Variants in MRPS9 observed in about 807,000 individuals in gnomAD.
MRPS9 encodes mitochondrial ribosomal protein S9.
A neutral mutation model predicts 59.9 loss-of-function variants in MRPS9; 45 were observed. The ratio of observed to expected loss-of-function variants is 0.75; its 90% confidence interval spans 0.59 to 0.96. The LOEUF is 0.96. Among genes scored for constraint, MRPS9 ranks in the 40% least tolerant of loss-of-function variants. The probability of loss-of-function intolerance (pLI) is 0.00; values close to 1 mark genes in which losing one functional copy is unlikely to be tolerated. For synonymous variants in MRPS9, 171 were observed against 166.8 expected, an observed-to-expected ratio of 1.03 and a Z score of -0.19; for missense variants, 473 against 481.1, an observed-to-expected ratio of 0.98 and a Z score of 0.16.
intron 2 of MRPS9, among the ~76,000 whole-genome samples, chr2:105,051,574 G>A (rs1573419409): frequency 6.6e-6 from 1 of 152,110 alleles, no homozygotes; most frequent in South Asian, 2.1e-4. Context: ...TTCCTGCAAG[G>A]AGCCACCTAA....
At chr2:105,091,268 T>G in intron 7 of MRPS9, 2 of 470,990 alleles carry the variant, frequency 4.2e-6, no homozygotes, top group Non-Finnish European at 8.8e-6. Context: ...GTCAGTGACT[T>G]CTTGACCTAG....
chr2:105,070,700 A>G (rs1252212622), intron 2 of MRPS9, among the ~76,000 whole-genome samples: 1 of 152,160 alleles, frequency 6.6e-6, no homozygotes, highest in East Asian at 1.9e-4. Flanking sequence ...TGTCATGAGC[A>G]CTGGTTATTA....
At chr2:105,067,739 A>AGT (rs113470512) in intron 2 of MRPS9, among the ~76,000 whole-genome samples, 1,634 of 148,490 alleles carry the variant, frequency 0.011, 24 homozygotes, top group African/African-American at 0.039. Context: ...CCTTCTCCTG[A>AGT]GTGTGTGTGT....
intron 5 of MRPS9, among the ~76,000 whole-genome samples, 196 bp downstream of exon 5, chr2:105,080,258 A>G (rs750636596): frequency 7.2e-5 from 11 of 152,210 alleles, no homozygotes; most frequent in Non-Finnish European, 1.3e-4. Context: ...TATAGAGTTT[A>G]TATCAGAATG....
intron 5 of MRPS9, among the ~76,000 whole-genome samples, chr2:105,087,063 C>G (rs1309122448): frequency 6.6e-6 from 1 of 152,118 alleles, no homozygotes; most frequent in Non-Finnish European, 1.5e-5. Context: ...TAAAGGTACC[C>G]TAACCACAGT....
chr2:105,091,175 T>C (rs549585269), intron 7 of MRPS9: 8 of 404,302 alleles, frequency 2.0e-5, no homozygotes, highest in Non-Finnish European at 4.1e-5. Flanking sequence ...AAGTTATATA[T>C]GATACTTTGT....
At chr2:105,042,400 G>A (rs2104436737) in intron 1 of MRPS9, among the ~76,000 whole-genome samples, 1 of 152,360 alleles carries the variant, frequency 6.6e-6, no homozygotes, top group East Asian at 1.9e-4. Context: ...AGCACATCTG[G>A]CTTCCCTCAG....
chr2:105,070,444 A>G (rs533661500), intron 2 of MRPS9, among the ~76,000 whole-genome samples: 1 of 152,294 alleles, frequency 6.6e-6, no homozygotes, highest in East Asian at 1.9e-4. Context: ...CTATGCGGGT[A>G]GGCAGAGAAG....
chr2:105,093,947 T>A (rs1297924608), intron 9 of MRPS9, among the ~76,000 whole-genome samples: 1 of 152,142 alleles, frequency 6.6e-6, no homozygotes, highest in Non-Finnish European at 1.5e-5. Context: ...ATGTAAAAAA[T>A]TTTGATTTAG....
chr2:105,078,314 AAG>A (rs1491286998), intron 4 of MRPS9, among the ~76,000 whole-genome samples: 1 of 71,816 alleles, frequency 1.4e-5, no homozygotes, highest in African/African-American at 6.8e-5. Context: ...CGGTGAAGTC[AAG>A]TGTGTGTGTG....
At chr2:105,073,805 T>G (rs990284703) in intron 4 of MRPS9, among the ~76,000 whole-genome samples, 3 of 152,182 alleles carry the variant, frequency 2.0e-5, no homozygotes, top group Non-Finnish European at 4.4e-5. Flanking sequence ...CTCCATTGAG[T>G]AGATTTGATG....
At position 105,041,922 on chromosome 2, in the gene MRPS9, A is replaced by G. The variant is rs189910903; in HGVS notation, c.135+3695A>G. 4.6e-5 allele frequency among the ~76,000 whole-genome samples: 7 copies of G among 152,292 alleles called. No homozygotes were observed. The East Asian group carries it at 1.2e-3, about 25-fold the overall frequency. On this transcript the variant is annotated intron_variant, in intron 1 of 10. Transcript: ENST00000258455. ...TTACAGTCTTTATTTGGCAATTTAT[A>G]TGTTTCTTATATAATAAGAGCTTGA...
intron 2 of MRPS9, 53 bp from the exon 3 acceptor site, chr2:105,071,260 T>C (rs1443961499): frequency 8.2e-6 from 12 of 1,468,012 alleles, no homozygotes; most frequent in Non-Finnish European, 1.0e-5. Flanking sequence ...TAACTATTAG[T>C]TCTAACCTTG....
intron 1 of MRPS9, chr2:105,038,511 T>C: frequency 2.3e-6 from 1 of 427,530 alleles, no homozygotes; most frequent in Non-Finnish European, 4.3e-6. Context: ...TAAGTAAGGG[T>C]CGGTGCCTAG....
chr2:105,040,499 A>G (rs954126088), intron 1 of MRPS9, among the ~76,000 whole-genome samples: 10 of 152,222 alleles, frequency 6.6e-5, no homozygotes, highest in Non-Finnish European at 1.3e-4. Context: ...AAATATTACA[A>G]TGGGTCACAG....
chr2:105,063,459 T>A (rs1333742244), intron 2 of MRPS9, among the ~76,000 whole-genome samples: 1 of 152,220 alleles, frequency 6.6e-6, no homozygotes, highest in Admixed American at 6.5e-5. Context: ...AATACTAATT[T>A]GTGTACTTTT....
At chr2:105,057,667 T>C (rs553401148) in intron 2 of MRPS9, among the ~76,000 whole-genome samples, 5 of 152,332 alleles carry the variant, frequency 3.3e-5, no homozygotes, top group African/African-American at 1.2e-4. Flanking sequence ...GTAACAATGA[T>C]TGCTAACCTG....
chr2:105,070,277 TTTG>T (rs1391483052), intron 2 of MRPS9, among the ~76,000 whole-genome samples: 2 of 146,864 alleles, frequency 1.4e-5, no homozygotes, highest in East Asian at 3.9e-4. Flanking sequence ...ACCTAGGTTT[TTTG>T]TTTTGTTTTA....
At chr2:105,081,079 G>A (rs2104461124) in intron 5 of MRPS9, among the ~76,000 whole-genome samples, 1 of 152,270 alleles carries the variant, frequency 6.6e-6, no homozygotes, top group African/African-American at 2.4e-5. Context: ...GAGGCTGCCC[G>A]GGGACCCCTG....
Sources: gnomAD v4.1 joint callset for allele counts (sites outside exome capture counted in the v4.1 genomes callset) on GRCh38, gnomAD v4.1.1 for gene constraint, MANE v1.5 for transcripts, NCBI Gene and HGNC (gene_info 2026-07-23, HGNC 2026-07-21) for gene names.